CPNE8: variants seen among roughly 807,000 people sequenced by gnomAD.
The protein encoded by CPNE8 is copine 8.
CPNE8 carries 45 observed loss-of-function variants against 81.5 expected under a neutral mutation model. That is an observed-to-expected ratio of 0.55 (90% CI 0.44 to 0.71). The LOEUF is 0.71. Among genes scored for constraint, CPNE8 ranks in the 30% least tolerant of loss-of-function variants. The probability of loss-of-function intolerance (pLI) is 0.00; values close to 1 mark genes in which losing one functional copy is unlikely to be tolerated. For missense variants in CPNE8, 594 were observed against 672.1 expected (o/e 0.88, Z 1.28); for synonymous variants, 252 against 226.3 (o/e 1.11, Z -1.02).
intron 19 of CPNE8, among the ~76,000 whole-genome samples, chr12:38,667,038 A>G (rs1253554482): frequency 6.6e-6 from 1 of 152,200 alleles, no homozygotes; most frequent in African/African-American, 2.4e-5. Context: ...AATATTTACT[A>G]TACTAATAAA....
chr12:38,834,509 A>G (rs73084043), intron 5 of CPNE8, among the ~76,000 whole-genome samples: 29,292 of 152,058 alleles, frequency 0.19, 5,063 homozygotes, highest in African/African-American at 0.46. Context: ...CATCAGTCAT[A>G]CTACCAACAT....
chr12:38,902,271 A>AGAAGG (rs1421584442), intron 1 of CPNE8, among the ~76,000 whole-genome samples: 56 of 3,310 alleles, frequency 0.017, 11 homozygotes, highest in African/African-American at 0.051. Context: ...AAAGAAAGAA[A>AGAAGG]AAGAAAAGAA....
intron 1 of CPNE8, among the ~76,000 whole-genome samples, chr12:38,885,861 G>A (rs1284432181): frequency 6.6e-6 from 1 of 151,960 alleles, no homozygotes; most frequent in African/African-American, 2.4e-5. Flanking sequence ...AAAGTGTGTA[G>A]TACTTCCCCC....
chr12:38,900,965 T>C (rs1944453601), intron 1 of CPNE8, among the ~76,000 whole-genome samples: 1 of 152,210 alleles, frequency 6.6e-6, no homozygotes, highest in Non-Finnish European at 1.5e-5. Flanking sequence ...CTCAGGCCTA[T>C]AATCCCAGCA....
intron 6 of CPNE8, among the ~76,000 whole-genome samples, chr12:38,820,927 T>C (rs547618664): frequency 1.3e-5 from 2 of 152,282 alleles, no homozygotes; most frequent in African/African-American, 4.8e-5. Flanking sequence ...GTCCTTGAAA[T>C]CTTCTTCAAC....
At chr12:38,794,606 C>A (rs912619134) in intron 6 of CPNE8, among the ~76,000 whole-genome samples, 3 of 151,666 alleles carry the variant, frequency 2.0e-5, no homozygotes, top group Non-Finnish European at 4.4e-5. Context: ...TTAAATATCA[C>A]CTCATAGCCA....
intron 6 of CPNE8, among the ~76,000 whole-genome samples, chr12:38,791,697 C>T (rs78741474): frequency 0.013 from 1,975 of 151,518 alleles, 49 homozygotes; most frequent in African/African-American, 0.044. Context: ...GACAAAAGGT[C>T]AACAAGGAAC....
At chr12:38,775,926 G>T (rs563581746) in intron 7 of CPNE8, among the ~76,000 whole-genome samples, 3 of 152,130 alleles carry the variant, frequency 2.0e-5, no homozygotes, top group Non-Finnish European at 1.5e-5. Context: ...AAAAAAGTTT[G>T]CAGTAATTGA....
intron 10 of CPNE8, among the ~76,000 whole-genome samples, chr12:38,735,507 C>T (rs1314117965): frequency 6.6e-6 from 1 of 151,944 alleles, no homozygotes; most frequent in African/African-American, 2.4e-5. Flanking sequence ...AACGTATTAG[C>T]TCTCTCTGAT....
intron 3 of CPNE8, among the ~76,000 whole-genome samples, chr12:38,868,611 C>T (rs1312142013): frequency 1.1e-4 from 16 of 152,170 alleles, no homozygotes; most frequent in Admixed American, 5.2e-4. Context: ...ACAGTAAATG[C>T]GCTATACTTT....
chr12:38,659,366 T>C lies in CPNE8; in HGVS notation c.1507-5296A>G, dbSNP rs144121353. ...AAGAGCTAACTATCCTAAATATATA[T>C]GCACCCAATACAAGAGCACCCAGAT... On this transcript the variant is annotated intron_variant, in intron 19 of 19. Coordinates refer to ENST00000331366, the MANE Select transcript of CPNE8 (RefSeq NM_153634.3). Among the ~76,000 whole-genome samples the C allele has an allele frequency of 4.0e-3, 610 of 152,242 alleles. 9 individuals carry two copies. The highest frequency in any genetic ancestry group is 0.013 in the African/African-American group (549 of 41,542).
chr12:38,788,526 C>G (rs1042613747), intron 6 of CPNE8, among the ~76,000 whole-genome samples: 1 of 151,834 alleles, frequency 6.6e-6, no homozygotes, highest in Non-Finnish European at 1.5e-5. Flanking sequence ...ATACTGAAAG[C>G]CTTTCCTCTA....
At chr12:38,802,928 A>T (rs956995408) in intron 6 of CPNE8, among the ~76,000 whole-genome samples, 8 of 149,466 alleles carry the variant, frequency 5.4e-5, no homozygotes, top group Non-Finnish European at 1.2e-4. Context: ...ACATTCCTCG[A>T]CACATACAGT....
At chr12:38,794,761 A>G (rs575420231) in intron 6 of CPNE8, among the ~76,000 whole-genome samples, 3 of 152,152 alleles carry the variant, frequency 2.0e-5, no homozygotes, top group African/African-American at 7.2e-5. Flanking sequence ...AACAGTATGA[A>G]TGTGATGGTT....
intron 1 of CPNE8, among the ~76,000 whole-genome samples, chr12:38,885,768 G>A (rs998774799): frequency 2.6e-5 from 4 of 152,052 alleles, no homozygotes; most frequent in African/African-American, 7.2e-5. Context: ...AGGAGGGGCC[G>A]GGTGGGAGGT....
At chr12:38,776,026 A>G (rs549980843) in intron 7 of CPNE8, among the ~76,000 whole-genome samples, 31 of 152,286 alleles carry the variant, frequency 2.0e-4, no homozygotes, top group African/African-American at 7.0e-4. Context: ...AATTCCTTAA[A>G]AAGATTATTA....
chr12:38,903,387 G>GA lies in CPNE8; in HGVS notation c.98+2049dup, dbSNP rs540328037. Among the ~76,000 whole-genome samples the GA allele has an allele frequency of 1.8e-4, 28 of 152,054 alleles. No homozygotes were observed. In the South Asian group the frequency reaches 5.6e-3, roughly 30 times the overall value. On this transcript the variant is annotated intron_variant, in intron 1 of 19. Coordinates refer to ENST00000331366, the MANE Select transcript of CPNE8 (RefSeq NM_153634.3). The stretch of plus-strand genomic sequence containing the variant: ...AAACAAAATGTCAAAGCAATGTTAT[G>GA]AAAAAAAGCTGGAACAAGGGATTTG...
chr12:38,877,243 TAAAG>T (rs1944080437), intron 1 of CPNE8, among the ~76,000 whole-genome samples: 1 of 152,196 alleles, frequency 6.6e-6, no homozygotes, highest in African/African-American at 2.4e-5. Flanking sequence ...TAGACTAGTA[TAAAG>T]AGAGATGCTG....
In CPNE8 at chr12:38,653,147, G is replaced by C. The variant is rs1212191331; in HGVS notation, c.*735C>G. 6.6e-6 allele frequency: 1 copy of C among 152,234 alleles called. No individual in the cohort carries two copies. The highest frequency in any genetic ancestry group is 2.4e-5 in the African/African-American group (1 of 41,374). 9.4% of individuals were successfully genotyped at this position (152,234 alleles called of 1,614,324 possible). A position where few individuals can be genotyped will look rare whatever the true frequency, so the allele number is the denominator to read the frequency against. On this transcript the variant is annotated 3_prime_UTR_variant, in exon 20 of 20. Transcript: ENST00000331366. ...TTTGACTTTTTATAATTTCTACTTAGTGTTACAAAATACAAACCAACTGCA... is the reference window on the plus strand; with the variant it reads ...TTTGACTTTTTATAATTTCTACTTACTGTTACAAAATACAAACCAACTGCA...
Sources: gnomAD v4.1 joint callset for allele counts (sites outside exome capture counted in the v4.1 genomes callset) on GRCh38, gnomAD v4.1.1 for gene constraint, MANE v1.5 for transcripts, NCBI Gene and HGNC (gene_info 2026-07-23, HGNC 2026-07-21) for gene names.